The following LARS2 variants were observed in gnomAD, a reference collection of about 807,000 sequenced individuals.
LARS2 encodes leucyl-tRNA synthetase 2, mitochondrial, also known as leucine--tRNA ligase, mitochondrial.
LARS2 carries 81 observed loss-of-function variants against 116.6 expected under a neutral mutation model. The ratio of observed to expected loss-of-function variants is 0.69; its 90% confidence interval spans 0.58 to 0.84. The LOEUF (loss-of-function observed/expected upper bound fraction) is 0.84. Among genes scored for constraint, LARS2 ranks in the 40% least tolerant of loss-of-function variants. LARS2 has a pLI of 0.00. For synonymous variants in LARS2, 396 were observed against 407.2 expected (o/e 0.97, Z 0.33); for missense variants, 968 against 1,114.5 (o/e 0.87, Z 1.87).
chr3:45,407,888 C>T (rs1350296305), intron 4 of LARS2, among the ~76,000 whole-genome samples: 4 of 152,236 alleles, frequency 2.6e-5, no homozygotes, highest in Admixed American at 1.3e-4. Context: ...CATCGCCAAA[C>T]TCTACTCAGT....
intron 4 of LARS2, among the ~76,000 whole-genome samples, chr3:45,412,474 T>G (rs2125682825): frequency 6.6e-6 from 1 of 152,338 alleles, no homozygotes; most frequent in East Asian, 1.9e-4. Context: ...TGACGAGTAG[T>G]GACCAGGAGT....
At chr3:45,540,281 A>G (rs377087845) in intron 20 of LARS2, among the ~76,000 whole-genome samples, 1 of 152,290 alleles carries the variant, frequency 6.6e-6, no homozygotes, top group African/African-American at 2.4e-5. Context: ...TAAAAATGCT[A>G]TCTGGCTGAA....
intron 16 of LARS2, 58 bp downstream of exon 16, chr3:45,513,293 G>GCTTGCTC: frequency 9.1e-7 from 1 of 1,100,426 alleles, no homozygotes; most frequent in Non-Finnish European, 1.4e-6. Context: ...GGCCAGGCCT[G>GCTTGCTC]AGAGCTACTG....
chr3:45,539,672 C>G (rs1450452340), intron 20 of LARS2, among the ~76,000 whole-genome samples: 1 of 152,016 alleles, frequency 6.6e-6, no homozygotes. Flanking sequence ...TTCTACTCCC[C>G]AGAGATACTA....
chr3:45,476,728 G>T (rs779102130), intron 10 of LARS2, 101 bp downstream of exon 10: 169 of 1,227,676 alleles, frequency 1.4e-4, no homozygotes, highest in Non-Finnish European at 1.9e-4. Flanking sequence ...CATCTTGCGT[G>T]GGTTGTTCTT....
intron 3 of LARS2, among the ~76,000 whole-genome samples, chr3:45,396,502 C>T (rs1242581957): frequency 1.3e-5 from 2 of 152,182 alleles, no homozygotes; most frequent in Non-Finnish European, 2.9e-5. Context: ...CTATCAGGAC[C>T]TGAGACTATG....
intron 21 of LARS2, among the ~76,000 whole-genome samples, chr3:45,546,772 C>G (rs1700881622): frequency 6.6e-6 from 1 of 152,120 alleles, no homozygotes; most frequent in East Asian, 1.9e-4. Flanking sequence ...CCATGTTAAG[C>G]GAGAAAGAGT....
At chr3:45,450,763 A>G (rs1699114208) in intron 7 of LARS2, among the ~76,000 whole-genome samples, 1 of 152,156 alleles carries the variant, frequency 6.6e-6, no homozygotes, top group African/African-American at 2.4e-5. Flanking sequence ...ATCATGTGGT[A>G]GTTTTATTTT....
At chr3:45,500,636 C>T (rs1254331182) in intron 15 of LARS2, 57 bp downstream of exon 15, 1 of 1,336,396 alleles carries the variant, frequency 7.5e-7, no homozygotes. Context: ...CAACTTTAAG[C>T]AGGTGTCAGT....
At chr3:45,499,627 A>C (rs1700085658) in intron 14 of LARS2, among the ~76,000 whole-genome samples, 1 of 150,888 alleles carries the variant, frequency 6.6e-6, no homozygotes, top group African/African-American at 2.5e-5. Flanking sequence ...AACTTTAATA[A>C]AGAAAAAAAA....
At chr3:45,467,211 A>G (rs903291665) in intron 8 of LARS2, among the ~76,000 whole-genome samples, 1 of 152,204 alleles carries the variant, frequency 6.6e-6, no homozygotes, top group African/African-American at 2.4e-5. Context: ...AGCTGCAGAG[A>G]GACCAGTAAA....
At chr3:45,462,429 A>AG (rs999716482) in intron 8 of LARS2, among the ~76,000 whole-genome samples, 2 of 144,910 alleles carry the variant, frequency 1.4e-5, no homozygotes, top group East Asian at 4.0e-4. Context: ...CAAAAAAAAA[A>AG]AAAGAAAGAA....
At chr3:45,523,270 G>T (rs182945732) in intron 19 of LARS2, among the ~76,000 whole-genome samples, 144 of 152,258 alleles carry the variant, frequency 9.5e-4, no homozygotes, top group African/African-American at 3.2e-3. Context: ...CCTAAGTAGG[G>T]TATAGAGGCC....
chr3:45,419,848 G>A (rs1698487896), intron 6 of LARS2, 119 bp downstream of exon 6: 1 of 797,504 alleles, frequency 1.3e-6, no homozygotes. Flanking sequence ...AAGCAGGAGG[G>A]AAGGATTAGC....
At chr3:45,410,434 C>T (rs1257379370) in intron 4 of LARS2, among the ~76,000 whole-genome samples, 1 of 151,838 alleles carries the variant, frequency 6.6e-6, no homozygotes, top group Non-Finnish European at 1.5e-5. Context: ...AAAATTGTAG[C>T]CTAAACAGTG....
intron 11 of LARS2, among the ~76,000 whole-genome samples, chr3:45,487,458 C>T (rs138021255): frequency 2.0e-5 from 3 of 152,204 alleles, no homozygotes; most frequent in East Asian, 1.9e-4. Flanking sequence ...GGCATTGTTC[C>T]GAGATCTGAC....
At chr3:45,513,407 G>T (rs1575305580) in intron 16 of LARS2, among the ~76,000 whole-genome samples, 172 bp downstream of exon 16, 1 of 147,300 alleles carries the variant, frequency 6.8e-6, no homozygotes, top group South Asian at 2.1e-4. Context: ...GCCCCCTGAA[G>T]CCTGGTCCTG....
At chr3:45,540,400 A>G (rs953681325) in intron 20 of LARS2, among the ~76,000 whole-genome samples, 6 of 152,190 alleles carry the variant, frequency 3.9e-5, no homozygotes, top group Admixed American at 2.6e-4. Context: ...TTCACAACCC[A>G]GTGTTATTGG....
chr3:45,535,382 AGAAAG>A (rs1575319386), intron 20 of LARS2, among the ~76,000 whole-genome samples: 1 of 151,578 alleles, frequency 6.6e-6, no homozygotes, highest in East Asian at 1.9e-4. Flanking sequence ...AGAAAAGAAA[AGAAAG>A]AAAGAAAGAA....
Sources: allele counts gnomAD v4.1 joint callset (sites outside exome capture counted in the v4.1 genomes callset), GRCh38; gene constraint gnomAD v4.1.1; transcripts MANE v1.5; gene names NCBI Gene and HGNC (gene_info 2026-07-23, HGNC 2026-07-21).